The following RASAL2 variants were observed in gnomAD, a reference collection of about 807,000 sequenced individuals.
RASAL2 encodes ras GTPase-activating protein nGAP.
A neutral mutation model predicts 128.9 loss-of-function variants in RASAL2; 58 were observed. The observed-to-expected ratio is 0.45, with a 90% CI of 0.36 to 0.56. The LOEUF (loss-of-function observed/expected upper bound fraction) is 0.56, where lower values mean the gene tolerates loss of function less well. Among genes scored for constraint, RASAL2 ranks in the 20% least tolerant of loss-of-function variants. The probability of loss-of-function intolerance (pLI) is 0.00; values close to 1 mark genes in which losing one functional copy is unlikely to be tolerated. For missense variants in RASAL2, 1,360 were observed against 1,601.6 expected (o/e 0.85, Z 2.57); for synonymous variants, 561 against 580.8 (o/e 0.97, Z 0.49).
In RASAL2 at chr1:178,283,608, C is replaced by G. The variant is rs745447952; in HGVS notation, c.247C>G (p.Pro83Ala). 1 of 1,613,648 alleles carries G rather than the reference C, an allele frequency of 6.2e-7. No homozygotes were observed. Among genetic ancestry groups the G allele is most frequent in the Non-Finnish European group, 8.5e-7 (1 of 1,179,950 alleles). ...CCACCGTCTGTCTTGTGGTCAGTCA[C>G]CCTACACCGAGACAACAACGTGGGA... The part of the protein sequence containing the change: ...PTHRLSCGQS[P>A]YTETTTWERK... Residue 83 changes from proline (P) to alanine (A), a missense_variant, in exon 2 of 18, where the codon CCC becomes GCC. Transcript: ENST00000367649.
chr1:178,139,290 A>G (rs1441059383), intron 1 of RASAL2, among the ~76,000 whole-genome samples: 5 of 152,000 alleles, frequency 3.3e-5, no homozygotes, highest in Non-Finnish European at 2.9e-5. Flanking sequence ...TGAGAGGACC[A>G]TATTTGTGAA....
intron 3 of RASAL2, among the ~76,000 whole-genome samples, chr1:178,300,801 T>C (rs528452222): frequency 1.3e-4 from 20 of 152,360 alleles, no homozygotes; most frequent in Admixed American, 2.6e-4. Flanking sequence ...ATAATCAGAC[T>C]GGTCAGGTAA....
At chr1:178,450,410 T>G (rs1677296641) in intron 9 of RASAL2, among the ~76,000 whole-genome samples, 1 of 152,146 alleles carries the variant, frequency 6.6e-6, no homozygotes, top group Admixed American at 6.6e-5. Context: ...TCAATGCCTT[T>G]AATTTTTCTG....
intron 1 of RASAL2, among the ~76,000 whole-genome samples, chr1:178,160,049 TTTTC>T (rs1234083150): frequency 8.5e-5 from 13 of 152,152 alleles, no homozygotes; most frequent in East Asian, 1.9e-4. Context: ...AACCGGTCTA[TTTTC>T]TTTCTTTCTT....
At chr1:178,434,760 T>C (rs1244767819) in intron 5 of RASAL2, among the ~76,000 whole-genome samples, 2 of 151,978 alleles carry the variant, frequency 1.3e-5, no homozygotes, top group East Asian at 3.9e-4. Flanking sequence ...TCTTTTTTTT[T>C]TTAATCCAGG....
At chr1:178,366,343 T>C (rs1329924666) in intron 3 of RASAL2, among the ~76,000 whole-genome samples, 1 of 152,212 alleles carries the variant, frequency 6.6e-6, no homozygotes, top group Non-Finnish European at 1.5e-5. Flanking sequence ...ACACCAACTT[T>C]AGTTATCAGT....
chr1:178,212,424 GA>G (rs1663284148), intron 1 of RASAL2, among the ~76,000 whole-genome samples: 1 of 152,156 alleles, frequency 6.6e-6, no homozygotes, highest in African/African-American at 2.4e-5. Flanking sequence ...GCTAACGGAG[GA>G]ACTGGTAAGA....
intron 1 of RASAL2, among the ~76,000 whole-genome samples, chr1:178,115,880 G>A (rs977416625): frequency 3.3e-5 from 5 of 151,564 alleles, no homozygotes; most frequent in Admixed American, 2.0e-4. Flanking sequence ...ATAAGACTTG[G>A]TGAGGAATGG....
Position 178,094,425 on chromosome 1 carries a change from A to T in RASAL2, c.-68A>T, listed in dbSNP as rs1226516912. ...CTCTCCTCCTCCCCTTACCGCAGGC[A>T]GGGCGCGGAGCCGCGCGCCAGCCCG... On this transcript the variant is annotated 5_prime_UTR_variant, in exon 1 of 18. Coordinates refer to ENST00000367649, the MANE Select transcript of RASAL2 (RefSeq NM_170692.4). 6 of 1,389,262 alleles carry T rather than the reference A, an allele frequency of 4.3e-6. No individual in the cohort carries two copies. The highest frequency in any genetic ancestry group is 5.7e-6 in the Non-Finnish European group (6 of 1,048,722). 86.1% of individuals were successfully genotyped at this position (1,389,262 alleles called of 1,614,324 possible). A position where few individuals can be genotyped will look rare whatever the true frequency, so the allele number is the denominator to read the frequency against.
intron 4 of RASAL2, among the ~76,000 whole-genome samples, chr1:178,395,793 T>TATATATATA (rs879578177): frequency 0.013 from 1,585 of 124,330 alleles, 29 homozygotes; most frequent in Middle Eastern, 0.056. Context: ...ATATATATAT[T>TATATATATA]TATTTATTCA....
chr1:178,411,987 A>T (rs1311615553), intron 4 of RASAL2: 1 of 556,744 alleles, frequency 1.8e-6, no homozygotes, highest in East Asian at 3.2e-5. Flanking sequence ...ACCCACAGGA[A>T]GTGGGGTCGC....
At chr1:178,131,405 G>T in intron 1 of RASAL2, among the ~76,000 whole-genome samples, 1 of 97,268 alleles carries the variant, frequency 1.0e-5, no homozygotes, top group Non-Finnish European at 2.1e-5. Flanking sequence ...TTTTTTTGTG[G>T]AGACAGGGTA....
intron 4 of RASAL2, among the ~76,000 whole-genome samples, chr1:178,413,877 C>T (rs1043570281): frequency 6.6e-6 from 1 of 151,920 alleles, no homozygotes; most frequent in African/African-American, 2.4e-5. Context: ...TGAAGAATGC[C>T]TTTTATGGGC....
chr1:178,383,071 T>G (rs1473410848), intron 3 of RASAL2, among the ~76,000 whole-genome samples: 1 of 152,154 alleles, frequency 6.6e-6, no homozygotes, highest in Middle Eastern at 3.2e-3. Flanking sequence ...TTTTCTATTA[T>G]GTTAACAAGA....
intron 3 of RASAL2, among the ~76,000 whole-genome samples, chr1:178,367,879 A>C (rs2102504006): frequency 6.6e-6 from 1 of 152,362 alleles, no homozygotes; most frequent in East Asian, 1.9e-4. Context: ...ATATCCGGAC[A>C]TACATTAAGT....
chr1:178,393,082 C>T (rs1673006770), intron 4 of RASAL2, among the ~76,000 whole-genome samples: 1 of 152,128 alleles, frequency 6.6e-6, no homozygotes, highest in African/African-American at 2.4e-5. Flanking sequence ...GTACTCTTAT[C>T]TAATCATAGC....
chr1:178,217,986 T>A (rs1159731604), intron 1 of RASAL2, among the ~76,000 whole-genome samples: 2 of 152,226 alleles, frequency 1.3e-5, no homozygotes, highest in African/African-American at 4.8e-5. Context: ...AATAAACTTC[T>A]ATCTCAAGAT....
At position 178,342,734 on chromosome 1, in the gene RASAL2, C is replaced by A. The variant is rs527976665; in HGVS notation, c.457+42616C>A. ...TGTATCTGTTTTACTGAAAGCAAAT[C>A]GTATTCACTGCCTTTGTTATGTTTA... On this transcript the variant is annotated intron_variant, in intron 3 of 17. Coordinates refer to ENST00000367649, the MANE Select transcript of RASAL2 (RefSeq NM_170692.4). 2.6e-5 allele frequency among the ~76,000 whole-genome samples: 4 copies of A among 152,212 alleles called. No homozygotes were observed. In the East Asian group the frequency reaches 7.7e-4, roughly 29 times the overall value.
At chr1:178,264,359 C>T (rs895266013) in intron 1 of RASAL2, among the ~76,000 whole-genome samples, 10 of 152,116 alleles carry the variant, frequency 6.6e-5, no homozygotes, top group African/African-American at 2.2e-4. Context: ...CCAAGATAGA[C>T]TTATACAGTT....
Sources: gnomAD v4.1 joint callset for allele counts (sites outside exome capture counted in the v4.1 genomes callset) on GRCh38, gnomAD v4.1.1 for gene constraint, MANE v1.5 for transcripts, NCBI Gene and HGNC (gene_info 2026-07-23, HGNC 2026-07-21) for gene names.